The following GALNTL6 variants were observed in gnomAD, a reference collection of about 807,000 sequenced individuals.
GALNTL6 encodes the protein polypeptide N-acetylgalactosaminyltransferase like 6, also known as polypeptide N-acetylgalactosaminyltransferase-like 6.
Under a neutral mutation model 73.7 loss-of-function variants are expected in GALNTL6, and 46 were observed. That is an observed-to-expected ratio of 0.62 (90% CI 0.49 to 0.80). The LOEUF (loss-of-function observed/expected upper bound fraction) is 0.80. GALNTL6 is among the 30% of genes least tolerant of loss of function. The pLI, the probability that GALNTL6 is intolerant of heterozygous loss-of-function variation, is 0.00. For synonymous variants in GALNTL6, 259 were observed against 263.7 expected (o/e 0.98, Z 0.17); for missense variants, 604 against 755.0 (o/e 0.80, Z 2.34).
chr4:172,692,184 A>G (rs1733348427), intron 5 of GALNTL6, among the ~76,000 whole-genome samples: 1 of 152,120 alleles, frequency 6.6e-6, no homozygotes, highest in Admixed American at 6.6e-5. Flanking sequence ...ATCTGCTTGC[A>G]TATTTTAACT....
At chr4:172,210,993 A>G (rs1473298841) in intron 2 of GALNTL6, among the ~76,000 whole-genome samples, 1 of 152,114 alleles carries the variant, frequency 6.6e-6, no homozygotes, top group Non-Finnish European at 1.5e-5. Context: ...TTGTTGTTCC[A>G]TATTTAGCCA....
At chr4:172,581,451 C>T (rs1236110353) in intron 5 of GALNTL6, among the ~76,000 whole-genome samples, 6 of 152,190 alleles carry the variant, frequency 3.9e-5, no homozygotes, top group Non-Finnish European at 7.3e-5. Flanking sequence ...GCAGCCTGCC[C>T]TTGTTACTCC....
chr4:172,772,862 T>C (rs1738855010), intron 5 of GALNTL6, among the ~76,000 whole-genome samples: 1 of 152,144 alleles, frequency 6.6e-6, no homozygotes, highest in Non-Finnish European at 1.5e-5. Context: ...AGGTGCTAAA[T>C]ATAATTTCAA....
chr4:172,251,535 A>G (rs1465857173), intron 3 of GALNTL6, among the ~76,000 whole-genome samples: 1 of 152,146 alleles, frequency 6.6e-6, no homozygotes, highest in East Asian at 1.9e-4. Context: ...ATCCTGAATA[A>G]GTCAGCTAAC....
intron 2 of GALNTL6, among the ~76,000 whole-genome samples, chr4:171,879,120 A>C (rs150748521): frequency 8.5e-5 from 13 of 152,328 alleles, no homozygotes; most frequent in African/African-American, 2.4e-4. Flanking sequence ...ATTGAAGAGA[A>C]TCACAGAATA....
At chr4:173,011,736 T>C (rs575532399) in intron 11 of GALNTL6, among the ~76,000 whole-genome samples, 1 of 152,318 alleles carries the variant, frequency 6.6e-6, no homozygotes, top group South Asian at 2.1e-4. Flanking sequence ...GTGTAAGACT[T>C]AATTGCTTTT....
chr4:171,947,162 A>G (rs1299413975), intron 2 of GALNTL6, among the ~76,000 whole-genome samples: 1 of 151,958 alleles, frequency 6.6e-6, no homozygotes, highest in East Asian at 1.9e-4. Flanking sequence ...CTCTTTCCGC[A>G]TGTATTTAAA....
At chr4:172,399,280 G>GTTTA (rs1743957069) in intron 5 of GALNTL6, among the ~76,000 whole-genome samples, 1 of 151,956 alleles carries the variant, frequency 6.6e-6, no homozygotes, top group African/African-American at 2.4e-5. Context: ...AGTTAACAGT[G>GTTTA]TTTAACTCTA....
chr4:172,528,322 ATATATATATATATATATATATATAT>A (rs1735035732), intron 5 of GALNTL6, among the ~76,000 whole-genome samples: 3 of 7,920 alleles, frequency 3.8e-4, no homozygotes, highest in African/African-American at 7.3e-4. Context: ...GAAATAAAAT[ATATATATATATATATATATATATAT>A]ATATATATAT....
At chr4:172,593,601 A>T (rs988946334) in intron 5 of GALNTL6, among the ~76,000 whole-genome samples, 3 of 152,090 alleles carry the variant, frequency 2.0e-5, no homozygotes, top group African/African-American at 7.2e-5. Context: ...CTCTTAGTGG[A>T]TATTAACCTA....
chr4:172,859,710 T>TCA (rs1215828463), intron 7 of GALNTL6, among the ~76,000 whole-genome samples: 2 of 152,094 alleles, frequency 1.3e-5, no homozygotes, highest in East Asian at 3.9e-4. Flanking sequence ...GAACAAAACT[T>TCA]CATTTGTATT....
At chr4:171,887,706 A>G (rs1736642216) in intron 2 of GALNTL6, among the ~76,000 whole-genome samples, 1 of 152,170 alleles carries the variant, frequency 6.6e-6, no homozygotes, top group Non-Finnish European at 1.5e-5. Context: ...CTTTCCTATA[A>G]GCTGTCTTCT....
chr4:172,234,966 T>C (rs1006295873), intron 3 of GALNTL6, among the ~76,000 whole-genome samples: 1 of 152,166 alleles, frequency 6.6e-6, no homozygotes, highest in Non-Finnish European at 1.5e-5. Context: ...TGGCTAACGT[T>C]TTATGTAGTT....
intron 2 of GALNTL6, among the ~76,000 whole-genome samples, chr4:171,936,530 G>T (rs901420540): frequency 7.9e-5 from 12 of 152,012 alleles, no homozygotes; most frequent in African/African-American, 2.7e-4. Context: ...AATATAATCA[G>T]TTAGTCTCTA....
At chr4:171,978,196 A>G (rs1739778732) in intron 2 of GALNTL6, among the ~76,000 whole-genome samples, 1 of 152,176 alleles carries the variant, frequency 6.6e-6, no homozygotes, top group African/African-American at 2.4e-5. Flanking sequence ...AATATTTAAA[A>G]ATTGTGACAT....
chr4:172,545,019 T>C (rs886319846), intron 5 of GALNTL6, among the ~76,000 whole-genome samples: 1 of 152,176 alleles, frequency 6.6e-6, no homozygotes, highest in Non-Finnish European at 1.5e-5. Context: ...AAACTAGAGA[T>C]TTATGCATGC....
intron 2 of GALNTL6, among the ~76,000 whole-genome samples, chr4:171,928,079 C>T (rs1738042929): frequency 6.6e-6 from 1 of 152,110 alleles, no homozygotes; most frequent in African/African-American, 2.4e-5. Context: ...GAAGAATCTA[C>T]TCTTAAGTGC....
chr4:171,920,188 A>G (rs1315175696), intron 2 of GALNTL6, among the ~76,000 whole-genome samples: 2 of 151,954 alleles, frequency 1.3e-5, no homozygotes, highest in Admixed American at 1.3e-4. Flanking sequence ...ATGAGAACAC[A>G]TGGACACAGG....
At chr4:172,480,319 GAA>G (rs78849420) in intron 5 of GALNTL6, among the ~76,000 whole-genome samples, 1 of 143,522 alleles carries the variant, frequency 7.0e-6, no homozygotes, top group Non-Finnish European at 1.5e-5. Flanking sequence ...TCTCAAAAAA[GAA>G]AAAAAAAAAG....
Sources: gnomAD v4.1 joint callset for allele counts (sites outside exome capture counted in the v4.1 genomes callset) on GRCh38, gnomAD v4.1.1 for gene constraint, MANE v1.5 for transcripts, NCBI Gene and HGNC (gene_info 2026-07-23, HGNC 2026-07-21) for gene names.